Variants in TBL1Y observed in about 807,000 individuals in gnomAD.
The protein encoded by TBL1Y is transducin beta like 1 Y-linked, also known as F-box-like/WD repeat-containing protein TBL1Y.
TBL1Y carries 15 observed loss-of-function variants against 12.0 expected under a neutral mutation model. The observed-to-expected ratio is 1.25, with a 90% CI of 0.83 to 1.92. The LOEUF is 1.92. TBL1Y is among the 40% of genes most tolerant of loss of function. TBL1Y has a pLI of 0.00. For synonymous variants in TBL1Y, 53 were observed against 42.6 expected, an observed-to-expected ratio of 1.24 and a Z score of -0.95; for missense variants, 148 against 116.7, an observed-to-expected ratio of 1.27 and a Z score of -1.24.
chrY:7,030,706 CAGAT>C (rs2012649511), intron 6 of TBL1Y, among the ~76,000 whole-genome samples: 1 of 33,238 alleles, frequency 3.0e-5, no homozygotes, highest in South Asian at 6.8e-4. Context: ...ACTTATCTTT[CAGAT>C]AGATAGATAG....
intron 4 of TBL1Y, among the ~76,000 whole-genome samples, chrY:7,015,187 T>A: frequency 3.0e-5 from 1 of 33,667 alleles, no homozygotes; most frequent in Non-Finnish European, 7.3e-5. Context: ...GACCAGGGTA[T>A]TCAGAGTCAG....
intron 5 of TBL1Y, among the ~76,000 whole-genome samples, chrY:7,024,073 A>G (rs756977173): frequency 3.0e-5 from 1 of 33,831 alleles, no homozygotes; most frequent in East Asian, 7.8e-4. Context: ...TGCAAAGGAC[A>G]TGAACTCATC....
chrY:7,064,732 T>C lies in TBL1Y; in HGVS notation c.457+583T>C, dbSNP rs759846783. On this transcript the variant is annotated intron_variant, in intron 8 of 18. Coordinates refer to ENST00000383032, the MANE Select transcript of TBL1Y (RefSeq NM_033284.2). ...TAGAGAAGCCACTTCAGCATGTATG[T>C]AAGTTCAGAGCATGCAAATGTTCCA... Among the ~76,000 whole-genome samples, 6 of 33,434 alleles carry C rather than the reference T, an allele frequency of 1.8e-4. No individual in the cohort carries two copies. The South Asian group carries it at 4.1e-3, about 23-fold the overall frequency. 89.7% of individuals were successfully genotyped at this position (33,434 alleles called of 37,273 possible).
intron 6 of TBL1Y, among the ~76,000 whole-genome samples, chrY:7,034,352 A>C (rs750797753): frequency 1.2e-4 from 4 of 33,723 alleles, no homozygotes; most frequent in Admixed American, 1.1e-3. Context: ...CTGGAAAAAC[A>C]TTCCATGCTC....
At chrY:7,063,767 GC>G (rs2012923045) in intron 7 of TBL1Y, 129 bp from the exon 8 acceptor site, 10 of 213,471 alleles carry the variant, frequency 4.7e-5, no homozygotes, top group African/African-American at 8.1e-5. Context: ...TTCCCCCGTG[GC>G]CCCCTGGCTG....
chrY:7,004,966 G>T lies in TBL1Y; in HGVS notation c.-140+9068G>T, dbSNP rs373219695. ...AGGATACTTTTAATATTTTTGGATG[G>T]CTGAAAAAAACTGAGGGATAGTACG... On this transcript the variant is annotated intron_variant, in intron 4 of 18. Coordinates refer to ENST00000383032, the MANE Select transcript of TBL1Y (RefSeq NM_033284.2). 0.014 allele frequency among the ~76,000 whole-genome samples: 460 copies of T among 33,282 alleles called. No individual in the cohort carries two copies. In the Middle Eastern group the frequency reaches 0.27, roughly 20 times the overall value. The allele number at this position is 33,282 out of a possible 37,273, so 89.3% of individuals were successfully genotyped here.
intron 3 of TBL1Y, among the ~76,000 whole-genome samples, chrY:6,986,329 G>C (rs1031858027): frequency 3.1e-5 from 1 of 32,627 alleles, no homozygotes; most frequent in African/African-American, 1.2e-4. Context: ...TTCAAGACCA[G>C]CTCAACATAG....
At chrY:6,952,030 G>T in intron 2 of TBL1Y, among the ~76,000 whole-genome samples, 1 of 33,570 alleles carries the variant, frequency 3.0e-5, no homozygotes, top group African/African-American at 1.2e-4. Flanking sequence ...TAGCACTGTG[G>T]TCTGAGAGAC....
chrY:7,027,553 G>A (rs771232740), intron 6 of TBL1Y, among the ~76,000 whole-genome samples: 40 of 31,950 alleles, frequency 1.3e-3, no homozygotes, highest in African/African-American at 4.7e-3. Context: ...ATGGTGGCAC[G>A]CTCCTGAAGT....
chrY:7,086,217 G>A, intron 15 of TBL1Y, 73 bp from the exon 16 acceptor site: 1 of 381,137 alleles, frequency 2.6e-6, no homozygotes, highest in Non-Finnish European at 3.7e-6. Flanking sequence ...TATGCACCCC[G>A]GAGGAATGAT....
chrY:6,954,053 G>A, intron 2 of TBL1Y, among the ~76,000 whole-genome samples: 1 of 33,703 alleles, frequency 3.0e-5, no homozygotes, highest in Admixed American at 2.7e-4. Flanking sequence ...CCTCTCAGAG[G>A]GGTACCCGGC....
chrY:7,035,478 T>C (rs2124158818), intron 6 of TBL1Y, among the ~76,000 whole-genome samples: 2 of 34,412 alleles, frequency 5.8e-5, no homozygotes, highest in East Asian at 7.7e-4. Context: ...TTATAAATCA[T>C]TGTGCTATAA....
At chrY:7,031,495 G>A in intron 6 of TBL1Y, among the ~76,000 whole-genome samples, 1 of 33,060 alleles carries the variant, frequency 3.0e-5, no homozygotes, top group African/African-American at 1.2e-4. Flanking sequence ...TTCTGCCCAA[G>A]TGGAGACCAA....
intron 2 of TBL1Y, among the ~76,000 whole-genome samples, chrY:6,937,685 T>C (rs2011914276): frequency 3.0e-5 from 1 of 33,708 alleles, no homozygotes; most frequent in Non-Finnish European, 7.3e-5. Context: ...ACATTTAAAA[T>C]GAAAAATCAT....
chrY:6,963,728 C>T (rs1603030936), intron 2 of TBL1Y, among the ~76,000 whole-genome samples: 1 of 33,646 alleles, frequency 3.0e-5, no homozygotes, highest in Non-Finnish European at 7.4e-5. Flanking sequence ...AATCTACTGC[C>T]GTGCTGCCTG....
At chrY:6,929,935 A>G in intron 2 of TBL1Y, among the ~76,000 whole-genome samples, 1 of 33,536 alleles carries the variant, frequency 3.0e-5, no homozygotes, top group Non-Finnish European at 7.4e-5. Flanking sequence ...AGGTCCCCAT[A>G]AGACCGTTAT....
intron 3 of TBL1Y, among the ~76,000 whole-genome samples, chrY:6,992,708 G>C: frequency 5.9e-5 from 2 of 33,685 alleles, no homozygotes; most frequent in Non-Finnish European, 1.5e-4. Flanking sequence ...GAGAGAAACA[G>C]AGGCACACAA....
intron 2 of TBL1Y, among the ~76,000 whole-genome samples, chrY:6,967,907 G>A (rs2012181601): frequency 3.0e-5 from 1 of 33,488 alleles, no homozygotes; most frequent in African/African-American, 1.2e-4. Context: ...AGAGCACCAC[G>A]GGCCTGGTGG....
chrY:6,946,373 T>G, intron 2 of TBL1Y, among the ~76,000 whole-genome samples: 1 of 33,344 alleles, frequency 3.0e-5, no homozygotes, highest in Non-Finnish European at 7.4e-5. Flanking sequence ...AGAGAGTTTA[T>G]TTTGTCAAGG....
Sources: gnomAD v4.1 joint callset for allele counts (sites outside exome capture counted in the v4.1 genomes callset) on GRCh38, gnomAD v4.1.1 for gene constraint, MANE v1.5 for transcripts, NCBI Gene and HGNC (gene_info 2026-07-23, HGNC 2026-07-21) for gene names.